Variants in RPS6KC1 observed in about 807,000 individuals in gnomAD.
The protein encoded by RPS6KC1 is inactive ribosomal protein S6 kinase delta-1.
RPS6KC1 carries 54 observed loss-of-function variants against 103.8 expected under a neutral mutation model. The observed-to-expected ratio is 0.52, with a 90% CI of 0.42 to 0.65. RPS6KC1 has a LOEUF of 0.65. RPS6KC1 is among the 30% of genes least tolerant of loss of function. The pLI is 0.00. For missense variants in RPS6KC1, 1,151 were observed against 1,253.8 expected, an observed-to-expected ratio of 0.92 and a Z score of 1.24; for synonymous variants, 439 against 438.7, an observed-to-expected ratio of 1.00 and a Z score of -0.01.
At chr1:213,614,579 G>A in the RPS6KC1 span, among the ~76,000 whole-genome samples, 2 of 152,180 alleles carry the variant, frequency 1.3e-5, no homozygotes. Context: ...CCTCATCTCA[G>A]CATTATTCCC....
At chr1:213,220,864 CACAGT>C (rs2093813655) in intron 8 of RPS6KC1, among the ~76,000 whole-genome samples, 1 of 151,944 alleles carries the variant, frequency 6.6e-6, no homozygotes, top group Non-Finnish European at 1.5e-5. Flanking sequence ...TAAAAGACAC[CACAGT>C]ATTTTGTTTT....
chr1:213,742,570 A>C, the RPS6KC1 span, among the ~76,000 whole-genome samples: 1 of 152,346 alleles, frequency 6.6e-6, no homozygotes, highest in Non-Finnish European at 1.5e-5. Context: ...TTTTCTCAGG[A>C]GAAGGGACAG....
chr1:213,567,389 G>C, the RPS6KC1 span, among the ~76,000 whole-genome samples: 3 of 152,100 alleles, frequency 2.0e-5, no homozygotes, highest in Admixed American at 6.6e-5. Context: ...CCTAACTCCC[G>C]ACTCCATGTG....
chr1:213,814,872 C>T, the RPS6KC1 span, among the ~76,000 whole-genome samples: 1 of 152,142 alleles, frequency 6.6e-6, no homozygotes, highest in Non-Finnish European at 1.5e-5. Flanking sequence ...GTGGACACAA[C>T]TTTACCTTGT....
At chr1:213,244,560 C>A (rs1290986020) in intron 12 of RPS6KC1, among the ~76,000 whole-genome samples, 1 of 151,834 alleles carries the variant, frequency 6.6e-6, no homozygotes, top group Non-Finnish European at 1.5e-5. Context: ...GATTATTTTT[C>A]TTTATTCTCA....
At chr1:213,465,668 A>G in the RPS6KC1 span, among the ~76,000 whole-genome samples, 1 of 152,156 alleles carries the variant, frequency 6.6e-6, no homozygotes, top group Non-Finnish European at 1.5e-5. Context: ...TTAAAGAAAT[A>G]CAATTAACTT....
At chr1:213,602,017 TTTC>T in the RPS6KC1 span, among the ~76,000 whole-genome samples, 587 of 29,354 alleles carry the variant, frequency 0.02, 104 homozygotes, top group East Asian at 0.16. Flanking sequence ...TTTTCTTTTC[TTTC>T]TTTCTTTCTC....
the RPS6KC1 span, among the ~76,000 whole-genome samples, chr1:213,377,042 CTCTGGGAAGGTAAG>C: frequency 6.6e-6 from 1 of 152,174 alleles, no homozygotes; most frequent in Non-Finnish European, 1.5e-5. Flanking sequence ...CCACATTCTC[CTCTGGGAAGGTAAG>C]TCTGGGAAGG....
intron 8 of RPS6KC1, among the ~76,000 whole-genome samples, chr1:213,226,731 T>C (rs1219215025): frequency 6.6e-6 from 1 of 152,204 alleles, no homozygotes; most frequent in Admixed American, 6.5e-5. Context: ...TGATGGTTTC[T>C]CAGTCCTTAT....
the RPS6KC1 span, among the ~76,000 whole-genome samples, chr1:213,673,633 G>A: frequency 6.6e-6 from 1 of 151,178 alleles, no homozygotes; most frequent in Non-Finnish European, 1.5e-5. Flanking sequence ...GGGCCTCAAA[G>A]AGAGAGAAGT....
At chr1:213,623,189 G>A in the RPS6KC1 span, among the ~76,000 whole-genome samples, 247 of 152,276 alleles carry the variant, frequency 1.6e-3, 2 homozygotes, top group African/African-American at 5.6e-3. Context: ...AACACATGGA[G>A]TAAATGAAAA....
intron 12 of RPS6KC1, among the ~76,000 whole-genome samples, chr1:213,251,133 G>T (rs111565244): frequency 1.6e-5 from 2 of 125,502 alleles, no homozygotes; most frequent in Non-Finnish European, 3.2e-5. Flanking sequence ...TTGAGACAGA[G>T]TCTTGCTCTG....
At chr1:213,628,265 A>G in the RPS6KC1 span, among the ~76,000 whole-genome samples, 8 of 152,074 alleles carry the variant, frequency 5.3e-5, no homozygotes, top group Non-Finnish European at 1.0e-4. Flanking sequence ...ATCGGAGGTG[A>G]TGTCCCCTTT....
the RPS6KC1 span, among the ~76,000 whole-genome samples, chr1:213,328,355 C>T: frequency 1.3e-5 from 2 of 151,900 alleles, no homozygotes; most frequent in Non-Finnish European, 2.9e-5. Context: ...CCTTAAGTTA[C>T]AAAGACATTT....
At chr1:213,092,726 T>TTTTTTTTTTTTTTTTTTTTTTTTTTGAG (rs2081091224) in intron 3 of RPS6KC1, among the ~76,000 whole-genome samples, 1 of 152,152 alleles carries the variant, frequency 6.6e-6, no homozygotes, top group African/African-American at 2.4e-5. Flanking sequence ...GATATGTTTT[T>TTTTTTTTTTTTTTTTTTTTTTTTTTGAG]AAGCTAAACA....
chr1:213,423,763 C>T, the RPS6KC1 span, among the ~76,000 whole-genome samples: 4 of 116,300 alleles, frequency 3.4e-5, no homozygotes, highest in Middle Eastern at 7.5e-3. Context: ...GGAGGGGGAG[C>T]GGCAGGGGGC....
the RPS6KC1 span, among the ~76,000 whole-genome samples, chr1:213,759,446 ATAT>A: frequency 6.6e-6 from 1 of 152,168 alleles, no homozygotes; most frequent in African/African-American, 2.4e-5. Context: ...GTAATTCTTT[ATAT>A]ATTTCTGTTT....
chr1:213,693,686 C>T, the RPS6KC1 span, among the ~76,000 whole-genome samples: 28 of 152,310 alleles, frequency 1.8e-4, no homozygotes, highest in African/African-American at 6.7e-4. Context: ...TTGTTCATTG[C>T]CTTTCAAAGC....
the RPS6KC1 span, among the ~76,000 whole-genome samples, chr1:213,832,808 TA>T: frequency 2.0e-5 from 3 of 152,184 alleles, no homozygotes; most frequent in Non-Finnish European, 2.9e-5. Context: ...GGTAGGTTTT[TA>T]AAAGAATAAA....
Sources: gnomAD v4.1 joint callset for allele counts (sites outside exome capture counted in the v4.1 genomes callset) on GRCh38, gnomAD v4.1.1 for gene constraint, MANE v1.5 for transcripts, NCBI Gene and HGNC (gene_info 2026-07-23, HGNC 2026-07-21) for gene names.